SPATS2L: variants seen among roughly 807,000 people sequenced by gnomAD.
The protein encoded by SPATS2L is spermatogenesis associated serine rich 2 like.
A neutral mutation model predicts 59.6 loss-of-function variants in SPATS2L; 30 were observed. The observed-to-expected ratio is 0.50, with a 90% CI of 0.38 to 0.68. The LOEUF (loss-of-function observed/expected upper bound fraction) is 0.68. SPATS2L is among the 30% of genes least tolerant of loss of function. The pLI is 0.00. For missense variants in SPATS2L, 615 were observed against 700.0 expected, an observed-to-expected ratio of 0.88 and a Z score of 1.37; for synonymous variants, 252 against 263.5, an observed-to-expected ratio of 0.96 and a Z score of 0.42.
chr2:200,350,497 A>G (rs1218644900), intron 2 of SPATS2L, among the ~76,000 whole-genome samples: 1 of 152,068 alleles, frequency 6.6e-6, no homozygotes, highest in Non-Finnish European at 1.5e-5. Flanking sequence ...TTTTCTCTCA[A>G]TGCAAATTTC....
In SPATS2L at chr2:200,472,977, G is replaced by A. The variant is rs370710854; in HGVS notation, c.1206G>A (p.Ala402=). 2.1e-4 allele frequency: 344 copies of A among 1,613,578 alleles called. No homozygotes were observed. The highest frequency in any genetic ancestry group is 2.7e-4 in the Non-Finnish European group (317 of 1,179,862). ...ACAATAAGCCCTCTGAAGGCAAAGC[G>A]GCAAACCCCAAAATGGTGAGCAGTC... The part of the protein sequence containing the change: ...STHNKPSEGK[A]ANPKMVSSLP... Residue 402 remains alanine, a synonymous_variant, in exon 12 of 13, where the codon GCG becomes GCA. Coordinates refer to ENST00000409140, the MANE Select transcript of SPATS2L (RefSeq NM_001100423.2).
At chr2:200,418,923 G>A (rs1010454294) in intron 5 of SPATS2L, among the ~76,000 whole-genome samples, 1 of 152,150 alleles carries the variant, frequency 6.6e-6, no homozygotes, top group Non-Finnish European at 1.5e-5. Flanking sequence ...ATTTTTTCAG[G>A]ATGGTTATCA....
chr2:200,368,824 T>C (rs185155947), intron 2 of SPATS2L, among the ~76,000 whole-genome samples: 1 of 152,342 alleles, frequency 6.6e-6, no homozygotes, highest in East Asian at 1.9e-4. Context: ...GGGCTCTTTC[T>C]AGGTACTCCT....
At chr2:200,356,337 C>G (rs1448951088) in intron 2 of SPATS2L, among the ~76,000 whole-genome samples, 1 of 152,126 alleles carries the variant, frequency 6.6e-6, no homozygotes, top group East Asian at 1.9e-4. Context: ...ATTTGTCTCA[C>G]TGGCAATGAA....
chr2:200,320,957 T>C (rs957461339), intron 1 of SPATS2L, among the ~76,000 whole-genome samples: 1 of 152,226 alleles, frequency 6.6e-6, no homozygotes, highest in African/African-American at 2.4e-5. Context: ...CTAGTATTTG[T>C]GTCTATATTT....
At chr2:200,347,499 CT>C in intron 2 of SPATS2L, among the ~76,000 whole-genome samples, 1 of 152,190 alleles carries the variant, frequency 6.6e-6, no homozygotes. Context: ...TTCCTAATAG[CT>C]TAAACAAAGC....
intron 2 of SPATS2L, among the ~76,000 whole-genome samples, chr2:200,361,914 C>A (rs1344711071): frequency 1.3e-5 from 2 of 152,100 alleles, no homozygotes; most frequent in African/African-American, 4.8e-5. Context: ...ATACATAAGT[C>A]TTTTAGGATA....
chr2:200,468,134 G>C (rs2106219297), intron 10 of SPATS2L, among the ~76,000 whole-genome samples: 1 of 152,104 alleles, frequency 6.6e-6, no homozygotes, highest in African/African-American at 2.4e-5. Flanking sequence ...GAGAGGCTCT[G>C]ATTGGCCTCC....
intron 9 of SPATS2L, among the ~76,000 whole-genome samples, chr2:200,466,770 AAAACTAAT>A (rs1231590929): frequency 6.6e-6 from 1 of 152,238 alleles, no homozygotes; most frequent in Non-Finnish European, 1.5e-5. Flanking sequence ...GGCTCACAAA[AAAACTAAT>A]AAAGTTAGAT....
At chr2:200,403,526 T>G (rs1177670422) in intron 3 of SPATS2L, among the ~76,000 whole-genome samples, 3 of 152,216 alleles carry the variant, frequency 2.0e-5, no homozygotes, top group Non-Finnish European at 2.9e-5. Context: ...CTCTCTCATC[T>G]TCTAATTCTC....
intron 1 of SPATS2L, among the ~76,000 whole-genome samples, chr2:200,312,806 A>G (rs1023607838): frequency 2.0e-5 from 3 of 152,222 alleles, no homozygotes; most frequent in Non-Finnish European, 2.9e-5. Flanking sequence ...CCTTCCTAAC[A>G]CTAGGATTAA....
intron 2 of SPATS2L, among the ~76,000 whole-genome samples, chr2:200,354,281 A>G (rs2080837297): frequency 6.6e-6 from 1 of 152,188 alleles, no homozygotes; most frequent in African/African-American, 2.4e-5. Context: ...AAGTGGAGCC[A>G]TAGGTCTTGG....
chr2:200,356,920 C>A (rs556200183), intron 2 of SPATS2L, among the ~76,000 whole-genome samples: 1 of 152,250 alleles, frequency 6.6e-6, no homozygotes, highest in East Asian at 1.9e-4. Context: ...GATAACTAAC[C>A]CACTCCTGCA....
At chr2:200,368,551 G>A (rs1439786105) in intron 2 of SPATS2L, among the ~76,000 whole-genome samples, 7 of 152,178 alleles carry the variant, frequency 4.6e-5, no homozygotes, top group African/African-American at 1.2e-4. Context: ...TGGTAAAATA[G>A]AAGTAGAAGG....
intron 2 of SPATS2L, among the ~76,000 whole-genome samples, chr2:200,361,108 G>A (rs539066370): frequency 3.7e-4 from 40 of 109,066 alleles, no homozygotes; most frequent in African/African-American, 1.4e-3. Flanking sequence ...TCCCTACACA[G>A]ATACACACAC....
intron 8 of SPATS2L, among the ~76,000 whole-genome samples, chr2:200,442,409 G>T (rs911756866): frequency 5.3e-5 from 8 of 152,146 alleles, no homozygotes; most frequent in Admixed American, 2.6e-4. Flanking sequence ...TCTCTATGCA[G>T]CTACCCAGCT....
chr2:200,437,698 A>G (rs2084394984), intron 6 of SPATS2L, among the ~76,000 whole-genome samples: 2 of 152,152 alleles, frequency 1.3e-5, no homozygotes, highest in Non-Finnish European at 2.9e-5. Context: ...AAGGGTATTC[A>G]TTCAGCTCAT....
At chr2:200,407,797 T>TAA (rs1276692177) in intron 3 of SPATS2L, among the ~76,000 whole-genome samples, 2 of 152,240 alleles carry the variant, frequency 1.3e-5, no homozygotes, top group African/African-American at 4.8e-5. Context: ...TGCCCACTGT[T>TAA]ATCATGAGTG....
chr2:200,405,071 G>C (rs1357780040), intron 3 of SPATS2L, among the ~76,000 whole-genome samples: 1 of 152,080 alleles, frequency 6.6e-6, no homozygotes, highest in African/African-American at 2.4e-5. Context: ...ATGTTAACAG[G>C]TTCCAGGGGA....
Sources: allele counts gnomAD v4.1 joint callset (sites outside exome capture counted in the v4.1 genomes callset), GRCh38; gene constraint gnomAD v4.1.1; transcripts MANE v1.5; gene names NCBI Gene and HGNC (gene_info 2026-07-23, HGNC 2026-07-21).